CDADC1: variants seen among roughly 807,000 people sequenced by gnomAD.
CDADC1 encodes the protein dCTP deaminase.
In CDADC1, 39 loss-of-function variants were observed where a neutral mutation model predicts 54.9. The observed-to-expected ratio is 0.71, with a 90% CI of 0.55 to 0.93. The LOEUF is 0.93. Ranked by LOEUF, CDADC1 falls within the 40% of genes least tolerant of loss-of-function variation. CDADC1 has a pLI of 0.00. For synonymous variants in CDADC1, 186 were observed against 204.0 expected, an observed-to-expected ratio of 0.91 and a Z score of 0.75; for missense variants, 518 against 618.8, an observed-to-expected ratio of 0.84 and a Z score of 1.73.
chr13:49,267,769 AAG>A lies in CDADC1; in HGVS notation c.712_713del (p.Glu238IlefsTer2). ...TATGAATGTAAACAAGAAAGAATAAAAGAATATGAAATGTTATTTTTGGTTTC... is the reference window on the plus strand; with the variant it reads ...TATGAATGTAAACAAGAAAGAATAAAAATATGAAATGTTATTTTTGGTTTC... On this transcript the variant is annotated frameshift_variant, in exon 5 of 10. Transcript: ENST00000251108. LOFTEE classifies it high-confidence loss of function. 6.2e-7 allele frequency: 1 copy of A among 1,612,272 alleles called. No individual in the cohort carries two copies. The highest frequency in any genetic ancestry group is 8.5e-7 in the Non-Finnish European group (1 of 1,178,936).
At chr13:49,252,226 T>G (rs1952451271) in intron 2 of CDADC1, among the ~76,000 whole-genome samples, 1 of 152,160 alleles carries the variant, frequency 6.6e-6, no homozygotes, top group South Asian at 2.1e-4. Flanking sequence ...CCATGTGTCC[T>G]AGGACTACAA....
In CDADC1 at chr13:49,269,065, T is replaced by C. The variant is rs372367711; in HGVS notation, c.1000+1006T>C. 2.2e-4 allele frequency among the ~76,000 whole-genome samples: 34 copies of C among 152,208 alleles called. No individual in the cohort carries two copies. The South Asian group carries it at 6.8e-3, about 31-fold the overall frequency. On this transcript the variant is annotated intron_variant, in intron 5 of 9. Transcript: ENST00000251108. The stretch of plus-strand genomic sequence containing the variant: ...TCTTTGTGATAAAGGGGAAAAAACA[T>C]AGACAGGAGGAGCAGTAGAGTAAGA...
chr13:49,252,001 A>G (rs1952444291), intron 2 of CDADC1, among the ~76,000 whole-genome samples: 1 of 152,224 alleles, frequency 6.6e-6, no homozygotes. Context: ...ACTCATACGC[A>G]TGTCTATTTA....
At chr13:49,262,835 A>G (rs1471306985) in intron 4 of CDADC1, among the ~76,000 whole-genome samples, 1 of 152,144 alleles carries the variant, frequency 6.6e-6, no homozygotes, top group African/African-American at 2.4e-5. Context: ...GCCTGTTTCC[A>G]TATCATTAAG....
At chr13:49,253,135 C>G (rs1215966434) in intron 2 of CDADC1, among the ~76,000 whole-genome samples, 1 of 152,080 alleles carries the variant, frequency 6.6e-6, no homozygotes, top group Non-Finnish European at 1.5e-5. Context: ...TACCAAGATG[C>G]AATTAGACAT....
chr13:49,268,183 A>G, intron 5 of CDADC1, 124 bp downstream of exon 5: 1 of 782,774 alleles, frequency 1.3e-6, no homozygotes, highest in Non-Finnish European at 2.0e-6. Flanking sequence ...TTCATACAAT[A>G]TAGAGAAGTT....
intron 6 of CDADC1, 114 bp from the exon 7 acceptor site, chr13:49,278,236 T>C: frequency 1.4e-6 from 1 of 722,664 alleles, no homozygotes; most frequent in South Asian, 3.4e-5. Context: ...CAGTTTACTG[T>C]AGAAAATTGA....
chr13:49,288,396 A>G (rs553505672), intron 9 of CDADC1, among the ~76,000 whole-genome samples: 2 of 152,326 alleles, frequency 1.3e-5, no homozygotes, highest in African/African-American at 4.8e-5. Context: ...AGGCATCACT[A>G]CAACATAATT....
At chr13:49,278,611 C>G (rs1953217345) in intron 7 of CDADC1, 92 bp downstream of exon 7, 5 of 1,010,014 alleles carry the variant, frequency 5.0e-6, no homozygotes, top group Non-Finnish European at 5.6e-6. Context: ...TTTCCTTTTT[C>G]AAATTCCAAG....
Position 49,254,003 on chromosome 13 carries a change from A to G in CDADC1, c.178-1836A>G, listed in dbSNP as rs150294158. Among the ~76,000 whole-genome samples, 474 of 152,334 alleles carry G rather than the reference A, an allele frequency of 3.1e-3. 2 individuals carry two copies. The highest frequency in any genetic ancestry group is 0.01 in the African/African-American group (430 of 41,576). ...TTACCTGTGTGACCATGGTTGAATT[A>G]TTTAATCTCTCTCAGCCACAATTTC... On this transcript the variant is annotated intron_variant, in intron 2 of 9. Coordinates refer to ENST00000251108, the MANE Select transcript of CDADC1 (RefSeq NM_030911.4).
In CDADC1 at chr13:49,259,360, T is replaced by G; in HGVS notation, c.267T>G (p.Gly89=). The change falls in exon 4 of 10, where the codon GGT becomes GGG. Residue 89 remains glycine, a synonymous_variant. Coordinates refer to ENST00000251108, the MANE Select transcript of CDADC1 (RefSeq NM_030911.4). ...TCTTAATGTAGGTAAAGAGAACTGG[T>G]CTTGTGGTGGTGAAAAACATGAAAA... The part of the protein sequence containing the change: ...STDKRQVKRT[G]LVVVKNMKIV... 6.2e-7 allele frequency: 1 copy of G among 1,612,020 alleles called. No individual in the cohort carries two copies. Among genetic ancestry groups the G allele is most frequent in the Non-Finnish European group, 8.5e-7 (1 of 1,178,508 alleles).
intron 8 of CDADC1, 37 bp from the exon 9 acceptor site, chr13:49,286,185 C>T (rs774522211): frequency 2.0e-6 from 3 of 1,532,238 alleles, no homozygotes; most frequent in Non-Finnish European, 2.7e-6. Context: ...GTATTAAATC[C>T]TCTTTAAACA....
intron 5 of CDADC1, among the ~76,000 whole-genome samples, chr13:49,268,536 G>A (rs956863959): frequency 6.6e-6 from 1 of 151,978 alleles, no homozygotes. Context: ...CTGGTGGTGC[G>A]TGCCTATAGT....
intron 8 of CDADC1, among the ~76,000 whole-genome samples, chr13:49,282,831 T>C (rs938337677): frequency 6.6e-6 from 1 of 152,220 alleles, no homozygotes; most frequent in Admixed American, 6.5e-5. Context: ...GGGATCTAGG[T>C]TGTGCACTCC....
At chr13:49,254,155 A>G (rs191531021) in intron 2 of CDADC1, among the ~76,000 whole-genome samples, 33 of 152,242 alleles carry the variant, frequency 2.2e-4, no homozygotes, top group Non-Finnish European at 4.1e-4. Context: ...CATCACTCAT[A>G]TATATAATTA....
At chr13:49,278,037 T>G (rs1346168590) in intron 6 of CDADC1, among the ~76,000 whole-genome samples, 1 of 152,184 alleles carries the variant, frequency 6.6e-6, no homozygotes, top group East Asian at 1.9e-4. Flanking sequence ...GATCTATAAT[T>G]TATTTGGGAA....
At position 49,267,509 on chromosome 13, in the gene CDADC1, A is replaced by T. The variant is rs139903827; in HGVS notation, c.450A>T (p.Ser150=). 2.5e-6 allele frequency: 4 copies of T among 1,611,960 alleles called. No individual in the cohort carries two copies. Among genetic ancestry groups the T allele is most frequent in the Non-Finnish European group, 2.5e-6 (3 of 1,178,918 alleles). ...MIVNAGVNRI[S]YWPADPEISL... is the part of the protein sequence containing the mutation. ...TTTCAGCTGGAGTTAACCGAATTTC[A>T]TACTGGCCTGCTGATCCAGAAATAA... The change falls in exon 5 of 10, where the codon TCA becomes TCT. Residue 150 remains serine, a synonymous_variant. Coordinates refer to ENST00000251108, the MANE Select transcript of CDADC1 (RefSeq NM_030911.4).
At chr13:49,271,620 TA>T (rs1952967253) in intron 5 of CDADC1, among the ~76,000 whole-genome samples, 1 of 151,504 alleles carries the variant, frequency 6.6e-6, no homozygotes, top group African/African-American at 2.4e-5. Flanking sequence ...TTTTTTTTTT[TA>T]AATTTTAAAA....
At chr13:49,281,565 C>G (rs1953335964) in intron 8 of CDADC1, among the ~76,000 whole-genome samples, 1 of 152,184 alleles carries the variant, frequency 6.6e-6, no homozygotes, top group Non-Finnish European at 1.5e-5. Context: ...CACCGCTCAT[C>G]TGACAGGAGG....
Sources: gnomAD v4.1 joint callset for allele counts (sites outside exome capture counted in the v4.1 genomes callset) on GRCh38, gnomAD v4.1.1 for gene constraint, MANE v1.5 for transcripts, NCBI Gene and HGNC (gene_info 2026-07-23, HGNC 2026-07-21) for gene names.